ZNF574: variants seen among roughly 807,000 people sequenced by gnomAD.
ZNF574 encodes the protein zinc finger protein 574.
In ZNF574, 25 loss-of-function variants were observed where a neutral mutation model predicts 56.6. The ratio of observed to expected loss-of-function variants is 0.44; its 90% CI spans 0.32 to 0.62. The LOEUF (loss-of-function observed/expected upper bound fraction) is 0.62, where lower values mean the gene tolerates loss of function less well. Ranked by LOEUF, ZNF574 falls within the 20% of genes least tolerant of loss-of-function variation. ZNF574 has a pLI of 0.04. For synonymous variants in ZNF574, 543 were observed against 492.1 expected (o/e 1.10, Z -1.37); for missense variants, 1,065 against 1,218.9 (o/e 0.87, Z 1.88).
At chr19:42,068,677 G>A in exon 1 of ZNF574, 1 of 438,646 alleles carries the variant, frequency 2.3e-6, no homozygotes, top group Non-Finnish European at 4.1e-6. Context: ...CCAGGGTGGA[G>A]GAGTTCTGAC....
At position 42,081,498 on chromosome 19, in the gene ZNF574, C is replaced by T; in HGVS notation, c.*201C>T. ...AAAGGTGCCCCCCCACCTTCCACCT[C>T]TTAGCACTGGTGACCCCAAAAATGA... On this transcript the variant is annotated 3_prime_UTR_variant, in exon 2 of 2. Transcript: ENST00000359044. The T allele has an allele frequency of 1.5e-6, 1 of 677,602 alleles. No individual in the cohort carries two copies. The highest frequency in any genetic ancestry group is 1.8e-5 in the African/African-American group (1 of 55,542). The allele number at this position is 677,602 out of a possible 1,614,324, so 42.0% of individuals were successfully genotyped here. A position where few individuals can be genotyped will look rare whatever the true frequency, so the allele number is the denominator to read the frequency against.
Position 42,079,597 on chromosome 19 carries a change from C to A in ZNF574, c.991C>A (p.His331Asn). 1 of 1,614,186 alleles carries A rather than the reference C, an allele frequency of 6.2e-7. No homozygotes were observed. ...PHQLQQHLRS[H>N]REGVFKCPLC... ...CCAGCTACAGCAGCACCTGCGGAGT[C>A]ACCGGGAGGGCGTCTTTAAGTGCCC... The change falls in exon 2 of 2, where the codon CAC becomes AAC. Residue 331 changes from histidine (H) to asparagine (N), a missense_variant. His to Asn is a moderately conservative substitution (Grantham distance 68). Transcript: ENST00000359044. This position sits in a 1 kb window ranked among gnomAD's most constrained non-coding sequence, Gnocchi z 4.3.
upstream of ZNF574, among the ~76,000 whole-genome samples, chr19:42,073,341 T>C (rs1182734438): frequency 3.9e-5 from 6 of 152,166 alleles, no homozygotes; most frequent in African/African-American, 1.4e-4. Context: ...CACGTCATAA[T>C]ACACTCAAGA....
rs1366556248 is a variant in ZNF574, at chr19:42,081,280, G to T, written c.2674G>T (p.Val892Phe). The change falls in exon 2 of 2, where the codon GTC becomes TTC. Residue 892 changes from valine to phenylalanine, a missense_variant. Physicochemically the swap from Val to Phe is conservative, Grantham distance 50. Transcript: ENST00000359044. ...CTACCCTCTGGCCGAGGCTGAGGGG[G>T]TCCAGATCAGTGGCTGACTCTGCCC... ...EIYPLAEAEG[V>F]QISG is the part of the protein sequence containing the mutation. 5 of 1,614,090 alleles carry T rather than the reference G, an allele frequency of 3.1e-6. No homozygotes were observed. The highest frequency in any genetic ancestry group is 4.2e-6 in the Non-Finnish European group (5 of 1,180,026).
intron 1 of ZNF574, among the ~76,000 whole-genome samples, chr19:42,077,707 G>T (rs1391624750): frequency 6.6e-6 from 1 of 152,194 alleles, no homozygotes; most frequent in East Asian, 1.9e-4. Flanking sequence ...CCTGGAGACA[G>T]GAGCTAGGGT....
At chr19:42,072,938 T>C (rs1232256386), upstream of ZNF574, among the ~76,000 whole-genome samples, 2 of 152,252 alleles carry the variant, frequency 1.3e-5, no homozygotes, top group African/African-American at 4.8e-5. Context: ...TCACACAGCC[T>C]GTCAAAAACT....
chr19:42,075,918 C>T (rs1450288298), upstream of ZNF574, among the ~76,000 whole-genome samples: 1 of 152,232 alleles, frequency 6.6e-6, no homozygotes, highest in East Asian at 1.9e-4. Context: ...GAGGAGCATC[C>T]TCTAAGGAGG....
intron 1 of ZNF574, among the ~76,000 whole-genome samples, chr19:42,076,765 T>C (rs2076459051): frequency 6.6e-6 from 1 of 151,596 alleles, no homozygotes; most frequent in Admixed American, 6.6e-5. Flanking sequence ...ATTGGGGCGG[T>C]GAGAGGGGTT....
intron 1 of ZNF574, chr19:42,068,968 G>C: frequency 1.7e-6 from 1 of 593,130 alleles, no homozygotes; most frequent in Admixed American, 2.8e-5. Flanking sequence ...CGGGGTAAGT[G>C]AGAGCCCAAG....
upstream of ZNF574, among the ~76,000 whole-genome samples, chr19:42,072,691 C>G (rs2076432587): frequency 6.6e-6 from 1 of 152,174 alleles, no homozygotes; most frequent in African/African-American, 2.4e-5. Context: ...CTCAGCCTCC[C>G]GCGTAGCTGG....
chr19:42,073,788 G>C (rs1361211451), upstream of ZNF574, among the ~76,000 whole-genome samples: 3 of 128,510 alleles, frequency 2.3e-5, no homozygotes, highest in East Asian at 4.7e-4. Context: ...CTGCACTCCA[G>C]CCTGGGTGAC....
At position 42,080,250 on chromosome 19, in the gene ZNF574, G is replaced by A. The variant is rs1214226850; in HGVS notation, c.1644G>A (p.Glu548=). Residue 548 remains glutamate (E), a synonymous_variant, in exon 2 of 2, where the codon GAG becomes GAA. Transcript: ENST00000359044. This position sits in a 1 kb window ranked among gnomAD's most constrained non-coding sequence, Gnocchi z 8.5. ...GCCACCGGCTCACACACACAGGAGAGCGGCCCTACCGGTGTGGGGACTGTG... is the reference window on the plus strand; with the variant it reads ...GCCACCGGCTCACACACACAGGAGAACGGCCCTACCGGTGTGGGGACTGTG... ...LARHRLTHTG[E]RPYRCGDCGK... is the part of the protein sequence containing the mutation. 1 of 1,614,036 alleles carries A rather than the reference G, an allele frequency of 6.2e-7. No homozygotes were observed. The highest frequency in any genetic ancestry group is 1.3e-5 in the African/African-American group (1 of 74,918).
At chr19:42,075,219 C>T (rs971514408), upstream of ZNF574, 3 of 152,308 alleles carry the variant, frequency 2.0e-5, no homozygotes, top group African/African-American at 7.2e-5. Flanking sequence ...CAACTCCCTC[C>T]CAAGGCCCTG....
intron 1 of ZNF574, among the ~76,000 whole-genome samples, chr19:42,069,703 CAGG>C (rs1354612046): frequency 1.5e-5 from 2 of 131,774 alleles, no homozygotes; most frequent in African/African-American, 3.0e-5. Flanking sequence ...AGCCGGCCAT[CAGG>C]AGAAGTGGGG....
chr19:42,079,456 A>G lies in ZNF574; in HGVS notation c.850A>G (p.Ile284Val), dbSNP rs2076479862. 6.2e-7 allele frequency: 1 copy of G among 1,613,546 alleles called. No individual in the cohort carries two copies. Among genetic ancestry groups the G allele is most frequent in the African/African-American group, 1.3e-5 (1 of 74,940 alleles). The change falls in exon 2 of 2, where the codon ATT (isoleucine) becomes GTT (valine). Residue 284 changes from isoleucine (I) to valine (V), a missense_variant. Physicochemically the swap from Ile to Val is conservative, Grantham distance 29. Transcript: ENST00000359044. This position sits in a 1 kb window ranked among gnomAD's most constrained non-coding sequence, Gnocchi z 4.3. ...HSYELRNGEA[I>V]GRDRRGRRAR... ...TTACGAGCTGCGCAATGGTGAAGCCATTGGGCGGGATCGCCGGGGGCGCAG... is the reference window on the plus strand; with the variant it reads ...TTACGAGCTGCGCAATGGTGAAGCCGTTGGGCGGGATCGCCGGGGGCGCAG...
intron 1 of ZNF574, among the ~76,000 whole-genome samples, chr19:42,077,155 T>C (rs1051390210): frequency 1.3e-5 from 2 of 150,818 alleles, no homozygotes; most frequent in African/African-American, 4.9e-5. Context: ...CGCTGGGGGG[T>C]CTGAGTACCC....
chr19:42,079,151 C>T lies in ZNF574; in HGVS notation c.545C>T (p.Ser182Leu). Residue 182 changes from serine (S) to leucine (L), a missense_variant, in exon 2 of 2, where the codon TCA (serine) becomes TTA (leucine). Physicochemically the swap from Ser to Leu is moderately radical, Grantham distance 145. Transcript: ENST00000359044. This position sits in a 1 kb window ranked among gnomAD's most constrained non-coding sequence, Gnocchi z 4.3. Reference sequence around the variant, plus strand: ...CAGGCCCGAGTGGCTGTGGAGCACTCATACCGAAAGGCAGAAGAGGGTGGG... The same window carrying T: ...CAGGCCCGAGTGGCTGTGGAGCACTTATACCGAAAGGCAGAAGAGGGTGGG... ...VGQARVAVEHSYRKAEEGGEG... is the reference protein window; with the variant it reads ...VGQARVAVEHLYRKAEEGGEG... 1.2e-6 allele frequency: 2 copies of T among 1,614,018 alleles called. No individual in the cohort carries two copies. Among genetic ancestry groups the T allele is most frequent in the Non-Finnish European group, 1.7e-6 (2 of 1,179,994 alleles).
Position 42,081,544 on chromosome 19 carries a change from T to A in ZNF574, c.*247T>A, listed in dbSNP as rs966744098. 1.9e-5 allele frequency: 11 copies of A among 578,498 alleles called. No individual in the cohort carries two copies. The highest frequency in any genetic ancestry group is 1.1e-4 in the African/African-American group (6 of 53,130). 35.8% of individuals were successfully genotyped at this position (578,498 alleles called of 1,614,324 possible). A position where few individuals can be genotyped will look rare whatever the true frequency, so the allele number is the denominator to read the frequency against. ...AATGAAACCATCAATAAAGACTGAG[T>A]TGCCAGCAGTGTGTAGAGTGGAATT... On this transcript the variant is annotated 3_prime_UTR_variant, in exon 2 of 2. Coordinates refer to ENST00000359044, the MANE Select transcript of ZNF574 (RefSeq NM_022752.6).
chr19:42,081,167 A>G lies in ZNF574; in HGVS notation c.2561A>G (p.Gln854Arg), dbSNP rs2076498169. The change falls in exon 2 of 2, where the codon CAG (glutamine) becomes CGG (arginine). Residue 854 changes from glutamine (Q) to arginine (R), a missense_variant. Gln to Arg is a conservative substitution (Grantham distance 43, BLOSUM62 1). Transcript: ENST00000359044. The stretch of plus-strand genomic sequence containing the variant: ...CAGCAGCATCAGGCAGCTGTGCGGC[A>G]GCAGCTGGCAGAGGCGGAGGCTGCC... ...HQQQHQAAVR[Q>R]QLAEAEAAVG... The G allele has an allele frequency of 1.9e-6, 3 of 1,613,958 alleles. No individual in the cohort carries two copies. Among genetic ancestry groups the G allele is most frequent in the African/African-American group, 1.3e-5 (1 of 74,954 alleles).
Sources: gnomAD v4.1 joint callset for allele counts (sites outside exome capture counted in the v4.1 genomes callset) on GRCh38, gnomAD v4.1.1 for gene constraint, Gnocchi (gnomAD v3.1) non-coding constraint, MANE v1.5 for transcripts, NCBI Gene and HGNC (gene_info 2026-07-23, HGNC 2026-07-21) for gene names.